Variants in SF3A3 observed in about 807,000 individuals in gnomAD.
The protein encoded by SF3A3 is splicing factor 3a subunit 3, also known as SAP 61.
SF3A3 carries 9 observed loss-of-function variants against 85.8 expected under a neutral mutation model. The ratio of observed to expected loss-of-function variants is 0.10; its 90% confidence interval spans 0.06 to 0.18. The LOEUF is 0.18. Among genes scored for constraint, SF3A3 ranks in the 10% least tolerant of loss-of-function variants. The probability of loss-of-function intolerance (pLI) is 1.00; values close to 1 mark genes in which losing one functional copy is unlikely to be tolerated. For synonymous variants in SF3A3, 195 were observed against 204.4 expected (o/e 0.95, Z 0.39); for missense variants, 306 against 593.3 (o/e 0.52, Z 5.03).
At chr1:37,977,831 T>C (rs1191553949) in intron 11 of SF3A3, among the ~76,000 whole-genome samples, 1 of 151,638 alleles carries the variant, frequency 6.6e-6, no homozygotes, top group Non-Finnish European at 1.5e-5. Context: ...AGAGGAAGAC[T>C]CCGTCTCAAA....
intron 12 of SF3A3, among the ~76,000 whole-genome samples, chr1:37,972,550 A>C (rs1646351206): frequency 6.6e-6 from 1 of 152,252 alleles, no homozygotes; most frequent in Non-Finnish European, 1.5e-5. Flanking sequence ...ACCAAAAAAG[A>C]GCCTGCCTTG....
intron 15 of SF3A3, 134 bp from the exon 16 acceptor site, chr1:37,960,309 C>G: frequency 1.3e-6 from 1 of 764,828 alleles, no homozygotes; most frequent in Non-Finnish European, 2.2e-6. Flanking sequence ...CTACCCCAAA[C>G]CAGAGTTTTG....
intron 15 of SF3A3, 102 bp from the exon 16 acceptor site, chr1:37,960,277 A>G: frequency 9.1e-7 from 1 of 1,096,266 alleles, no homozygotes; most frequent in Non-Finnish European, 1.4e-6. Flanking sequence ...TCCCTAGAAG[A>G]CTCTGCCTTT....
rs1646224127 is a variant in SF3A3 at position 37,957,183 on chromosome 1, C to A, written c.*1003G>T. On this transcript the variant is annotated 3_prime_UTR_variant, in exon 17 of 17. Transcript: ENST00000373019. ...GGGGCAGCTGCTCAACTCTACCCAA[C>A]TCTACCATGGCTACCTGGGATTGGA... 3 of 152,186 alleles carry A rather than the reference C, an allele frequency of 2.0e-5. No homozygotes were observed. 9.4% of individuals were successfully genotyped at this position (152,186 alleles called of 1,614,324 possible). A position where few individuals can be genotyped will look rare whatever the true frequency, so the allele number is the denominator to read the frequency against.
intron 16 of SF3A3, 124 bp downstream of exon 16, chr1:37,959,996 G>T: frequency 3.0e-5 from 17 of 570,204 alleles, no homozygotes; most frequent in Middle Eastern, 5.0e-4. Flanking sequence ...TCAATTTGTA[G>T]ATATTGTCAC....
intron 12 of SF3A3, among the ~76,000 whole-genome samples, chr1:37,970,736 ACAACCTGCTC>A (rs1646333243): frequency 6.6e-6 from 1 of 152,214 alleles, no homozygotes; most frequent in Admixed American, 6.5e-5. Flanking sequence ...TGGAAACTGA[ACAACCTGCTC>A]CTGAATGACT....
intron 15 of SF3A3, among the ~76,000 whole-genome samples, chr1:37,967,775 G>A (rs560819697): frequency 2.0e-5 from 3 of 149,186 alleles, no homozygotes; most frequent in East Asian, 2.0e-4. Context: ...CAGGAGAATC[G>A]CTTGCGCCCG....
intron 16 of SF3A3, 74 bp from the exon 17 acceptor site, chr1:37,958,337 G>C (rs1176351790): frequency 8.8e-6 from 9 of 1,021,170 alleles, no homozygotes; most frequent in Non-Finnish European, 1.4e-5. Flanking sequence ...CTAAGTACCT[G>C]AGCTCATCCT....
chr1:37,965,471 T>G (rs1367573292), intron 15 of SF3A3, among the ~76,000 whole-genome samples: 1 of 152,106 alleles, frequency 6.6e-6, no homozygotes, highest in Non-Finnish European at 1.5e-5. Flanking sequence ...TGTAGCATGT[T>G]GCATGTTGGG....
chr1:37,964,136 G>A (rs1480548075), intron 15 of SF3A3, among the ~76,000 whole-genome samples: 12 of 151,940 alleles, frequency 7.9e-5, no homozygotes, highest in African/African-American at 2.4e-4. Context: ...CAGAGATTGC[G>A]CCACTGCACT....
chr1:37,979,598 G>C (rs1262930459), intron 8 of SF3A3, 65 bp from the exon 9 acceptor site: 2 of 1,270,910 alleles, frequency 1.6e-6, no homozygotes, highest in African/African-American at 3.0e-5. Flanking sequence ...GCTCACACCT[G>C]TAATCTCAGC....
chr1:37,963,332 CAG>C (rs1401139313), intron 15 of SF3A3, among the ~76,000 whole-genome samples: 3 of 152,016 alleles, frequency 2.0e-5, no homozygotes, highest in African/African-American at 4.8e-5. Context: ...AGAGAGAAGA[CAG>C]GGGCTGGGTT....
rs760972269 is a variant in SF3A3, at chr1:37,980,841, CTTTTTTTTTTTTTTT to C, written c.552-132_552-118del. On this transcript the variant is annotated intron_variant, in intron 7 of 16. Transcript: ENST00000373019. ...CTAGTAATGCTATCTTTTTAATACT[CTTTTTTTTTTTTTTT>C]TTTTTTTTTTGAGGCAGAGTTTCGC... is the stretch of plus-strand genomic sequence containing the variant. 2.9e-4 allele frequency: 28 copies of C among 95,414 alleles called. 1 individual carries two copies. Among genetic ancestry groups the C allele is most frequent in the East Asian group, 2.1e-3 (9 of 4,304 alleles). 5.9% of individuals were successfully genotyped at this position (95,414 alleles called of 1,614,324 possible). A position where few individuals can be genotyped will look rare whatever the true frequency, so the allele number is the denominator to read the frequency against.
At chr1:37,981,901 TTGAG>T (rs1646421197) in intron 6 of SF3A3, 90 bp from the exon 7 acceptor site, 1 of 786,826 alleles carries the variant, frequency 1.3e-6, no homozygotes, top group Non-Finnish European at 2.0e-6. Flanking sequence ...GAGATCAAAA[TTGAG>T]TGTTTTCTAA....
At chr1:37,966,249 AAG>A (rs1646299260) in intron 15 of SF3A3, among the ~76,000 whole-genome samples, 3 of 151,860 alleles carry the variant, frequency 2.0e-5, no homozygotes, top group Non-Finnish European at 4.4e-5. Context: ...ATTAAAAAAA[AAG>A]AAGAAAAGAA....
At chr1:37,980,516 CTCAAGATAAAGGAAAATAATTACT>C (rs1646410699) in intron 8 of SF3A3, 46 bp downstream of exon 8, 2 of 1,539,740 alleles carry the variant, frequency 1.3e-6, no homozygotes, top group Admixed American at 3.5e-5. Flanking sequence ...AAAGTGGAAG[CTCAAGATAAAGGAAAATAATTACT>C]TCAATTCCCT....
intron 12 of SF3A3, among the ~76,000 whole-genome samples, chr1:37,971,838 G>A (rs1044202242): frequency 6.6e-6 from 1 of 152,090 alleles, no homozygotes; most frequent in African/African-American, 2.4e-5. Flanking sequence ...AATAAACTAG[G>A]TATTAATAGG....
intron 15 of SF3A3, among the ~76,000 whole-genome samples, chr1:37,963,354 T>C (rs1348001888): frequency 6.6e-6 from 1 of 151,902 alleles, no homozygotes; most frequent in Non-Finnish European, 1.5e-5. Context: ...TCGGGTGCAG[T>C]AGAAATTGAG....
chr1:37,984,677 G>A, intron 5 of SF3A3, 30 bp downstream of exon 5: 8 of 1,425,230 alleles, frequency 5.6e-6, no homozygotes, highest in Non-Finnish European at 7.9e-6. Context: ...ATTTTTGCTG[G>A]TGCTGAATGA....
Sources: gnomAD v4.1 joint callset for allele counts (sites outside exome capture counted in the v4.1 genomes callset) on GRCh38, gnomAD v4.1.1 for gene constraint, MANE v1.5 for transcripts, NCBI Gene and HGNC (gene_info 2026-07-23, HGNC 2026-07-21) for gene names.